The following BRI3BP variants were observed in gnomAD, a reference collection of about 807,000 sequenced individuals.
BRI3BP encodes the protein BRI3-binding protein.
In BRI3BP, 7 loss-of-function variants were observed where a neutral mutation model predicts 15.8. The ratio of observed to expected loss-of-function variants is 0.44; its 90% CI spans 0.25 to 0.83. The LOEUF (loss-of-function observed/expected upper bound fraction) is 0.83. BRI3BP is among the 40% of genes least tolerant of loss of function. The pLI is 0.20. For missense variants in BRI3BP, 320 were observed against 339.3 expected (o/e 0.94, Z 0.45); for synonymous variants, 192 against 163.5 (o/e 1.17, Z -1.33).
chr12:125,009,281 A>ATTTT (rs1182008279), intron 1 of BRI3BP, among the ~76,000 whole-genome samples: 16 of 94,886 alleles, frequency 1.7e-4, no homozygotes, highest in East Asian at 2.8e-4. Flanking sequence ...GCACCCAGCC[A>ATTTT]TCTTTTTTTT....
chr12:125,008,017 C>CA (rs763840988), intron 1 of BRI3BP, among the ~76,000 whole-genome samples: 12 of 152,124 alleles, frequency 7.9e-5, no homozygotes, highest in Non-Finnish European at 1.6e-4. Flanking sequence ...GCTGTGGAAA[C>CA]AGATTGCTGG....
chr12:124,996,572 A>T (rs1955042682), intron 1 of BRI3BP, among the ~76,000 whole-genome samples: 1 of 151,350 alleles, frequency 6.6e-6, no homozygotes, highest in African/African-American at 2.4e-5. Flanking sequence ...TGATCTGCCG[A>T]CCTCAGCCTT....
intron 1 of BRI3BP, among the ~76,000 whole-genome samples, chr12:125,001,462 C>T (rs558838665): frequency 6.6e-6 from 1 of 152,278 alleles, no homozygotes; most frequent in African/African-American, 2.4e-5. Flanking sequence ...TGGGTTCAAG[C>T]GATCCTCCCA....
the BRI3BP span, among the ~76,000 whole-genome samples, chr12:125,043,592 G>A: frequency 1.3e-5 from 2 of 151,178 alleles, no homozygotes; most frequent in East Asian, 1.9e-4. Flanking sequence ...GTGTGGTGGC[G>A]CACCCTGTAA....
chr12:125,022,806 C>T (rs769499485), intron 2 of BRI3BP, among the ~76,000 whole-genome samples: 7 of 152,028 alleles, frequency 4.6e-5, no homozygotes, highest in East Asian at 1.9e-4. Context: ...CATGAGCCAC[C>T]GTGCCCAGCC....
intron 2 of BRI3BP, among the ~76,000 whole-genome samples, chr12:125,016,144 G>A (rs1468744061): frequency 1.3e-5 from 2 of 152,286 alleles, no homozygotes; most frequent in South Asian, 2.1e-4. Context: ...CAGCTGGCGC[G>A]TTCTGGAGGC....
chr12:125,015,072 T>G (rs1174991371), intron 2 of BRI3BP, among the ~76,000 whole-genome samples: 1 of 152,116 alleles, frequency 6.6e-6, no homozygotes, highest in Non-Finnish European at 1.5e-5. Flanking sequence ...CAGCCCACCC[T>G]TGGTTAATAA....
In BRI3BP at chr12:125,027,767, A is replaced by G. The variant is rs1421550792; in HGVS notation, c.*2337A>G. On this transcript the variant is annotated 3_prime_UTR_variant, in exon 3 of 3. Transcript: ENST00000341446. ...CAGTGGCACCATCTCGGCTCACTGC[A>G]AGCTCCGCCTCCTGGGTTCACGCCA... 1 of 151,774 alleles carries G rather than the reference A, an allele frequency of 6.6e-6. No homozygotes were observed. The highest frequency in any genetic ancestry group is 1.5e-5 in the Non-Finnish European group (1 of 67,974). 9.4% of individuals were successfully genotyped at this position (151,774 alleles called of 1,614,324 possible).
intron 2 of BRI3BP, among the ~76,000 whole-genome samples, chr12:125,020,116 T>G (rs1160830136): frequency 6.6e-6 from 1 of 151,850 alleles, no homozygotes; most frequent in African/African-American, 2.4e-5. Context: ...GCTAATTTTG[T>G]ATTTTTTTTA....
chr12:125,025,746 C>A lies in BRI3BP; in HGVS notation c.*316C>A, dbSNP rs746186891. ...GCATAGAGCATAAAGTTAATTTTTT[C>A]AAGCATTTAAATACATCTTTTGTAA... On this transcript the variant is annotated 3_prime_UTR_variant, in exon 3 of 3. Transcript: ENST00000341446. 3 of 236,548 alleles carry A rather than the reference C, an allele frequency of 1.3e-5. No individual in the cohort carries two copies. The highest frequency in any genetic ancestry group is 1.6e-5 in the Non-Finnish European group (2 of 123,658). The allele number at this position is 236,548 out of a possible 1,614,324, so 14.7% of individuals were successfully genotyped here. A position where few individuals can be genotyped will look rare whatever the true frequency, so the allele number is the denominator to read the frequency against.
Position 125,022,541 on chromosome 12 carries a change from A to ATTTATTTATTTTTTTTTT in BRI3BP, c.317-2447_317-2446insATTTATTTTTTTTTTTTT. Reference sequence around the variant, plus strand: ...TTATTATTTATTTATTTATTTATTTATTTTTTGAGACAGAGCCTCACTGTG... The same window carrying ATTTATTTATTTTTTTTTT: ...TTATTATTTATTTATTTATTTATTTATTTATTTATTTTTTTTTTTTTTTTGAGACAGAGCCTCACTGTG... On this transcript the variant is annotated intron_variant, in intron 2 of 2. Coordinates refer to ENST00000341446, the MANE Select transcript of BRI3BP (RefSeq NM_080626.6). Among the ~76,000 whole-genome samples, 174 of 139,418 alleles carry ATTTATTTATTTTTTTTTT rather than the reference A, an allele frequency of 1.2e-3. 1 individual carries two copies. The highest frequency in any genetic ancestry group is 0.011 in the East Asian group (53 of 4,846). 91.5% of individuals were successfully genotyped at this position (139,418 alleles called of 152,430 possible). A position where few individuals can be genotyped will look rare whatever the true frequency, so the allele number is the denominator to read the frequency against.
At chr12:125,005,290 C>T (rs1205864786) in intron 1 of BRI3BP, among the ~76,000 whole-genome samples, 2 of 152,172 alleles carry the variant, frequency 1.3e-5, no homozygotes, top group Non-Finnish European at 2.9e-5. Context: ...AGCAAATCAT[C>T]ATGATTTAAG....
chr12:125,009,549 CA>C (rs1422448761), intron 1 of BRI3BP, among the ~76,000 whole-genome samples: 1 of 152,088 alleles, frequency 6.6e-6, no homozygotes, highest in Non-Finnish European at 1.5e-5. Context: ...CTCGGCTTCC[CA>C]AAGTGCTGAG....
intron 1 of BRI3BP, among the ~76,000 whole-genome samples, chr12:125,002,894 G>A (rs1205429391): frequency 1.3e-5 from 2 of 152,132 alleles, no homozygotes; most frequent in Non-Finnish European, 2.9e-5. Flanking sequence ...GTACCATATC[G>A]GGGCTCGTGG....
chr12:125,024,915 A>G, intron 2 of BRI3BP, 76 bp from the exon 3 acceptor site: 4 of 1,359,068 alleles, frequency 2.9e-6, no homozygotes, highest in Non-Finnish European at 4.0e-6. Context: ...AGGCCAGCTC[A>G]ACTATCCAAT....
the BRI3BP span, among the ~76,000 whole-genome samples, chr12:125,042,270 C>T: frequency 2.1e-3 from 321 of 152,188 alleles, 1 homozygote; most frequent in Middle Eastern, 6.8e-3. Context: ...GCACAGTACC[C>T]GATAGGTAGT....
At chr12:125,046,191 T>C in the BRI3BP span, among the ~76,000 whole-genome samples, 1 of 151,266 alleles carries the variant, frequency 6.6e-6, no homozygotes. Flanking sequence ...AAAAAACTGA[T>C]TTTAGACAGC....
the BRI3BP span, among the ~76,000 whole-genome samples, chr12:125,046,679 C>G: frequency 4.1e-4 from 63 of 152,332 alleles, no homozygotes; most frequent in African/African-American, 1.5e-3. Context: ...ATTATCTTTT[C>G]ATTTCTAGAG....
chr12:125,042,228 G>A, the BRI3BP span, among the ~76,000 whole-genome samples: 1 of 152,194 alleles, frequency 6.6e-6, no homozygotes, highest in African/African-American at 2.4e-5. Flanking sequence ...TGGGGGTTTT[G>A]TGTAGAGATT....
Sources: allele counts gnomAD v4.1 joint callset (sites outside exome capture counted in the v4.1 genomes callset), GRCh38; gene constraint gnomAD v4.1.1; transcripts MANE v1.5; gene names NCBI Gene and HGNC (gene_info 2026-07-23, HGNC 2026-07-21).